Variants in STK32B observed in about 807,000 individuals in gnomAD.
STK32B encodes serine/threonine kinase 32B.
A neutral mutation model predicts 52.6 loss-of-function variants in STK32B; 43 were observed. The ratio of observed to expected loss-of-function variants is 0.82; its 90% CI spans 0.64 to 1.05. STK32B has a LOEUF of 1.05. STK32B is among the 50% of genes least tolerant of loss of function. The pLI, the probability that STK32B is intolerant of heterozygous loss-of-function variation, is 0.00. For missense variants in STK32B, 621 were observed against 534.6 expected (o/e 1.16, Z -1.59); for synonymous variants, 238 against 204.3 (o/e 1.17, Z -1.41).
intron 3 of STK32B, among the ~76,000 whole-genome samples, chr4:5,286,285 A>G (rs1728536252): frequency 6.6e-6 from 1 of 152,220 alleles, no homozygotes. Flanking sequence ...TCAATAACTA[A>G]CAAGTCATCT....
intron 1 of STK32B, among the ~76,000 whole-genome samples, chr4:5,054,965 CT>C (rs1265775689): frequency 1.3e-5 from 2 of 152,136 alleles, no homozygotes. Flanking sequence ...GGCAGAGTTG[CT>C]TTTTTTCCAA....
chr4:5,085,095 T>G (rs866264732), intron 1 of STK32B, among the ~76,000 whole-genome samples: 17 of 152,186 alleles, frequency 1.1e-4, no homozygotes, highest in African/African-American at 3.6e-4. Flanking sequence ...TGTGGTCAAA[T>G]TAAGTTAGGG....
chr4:5,193,472 C>T (rs1721393743), intron 3 of STK32B, among the ~76,000 whole-genome samples: 1 of 152,198 alleles, frequency 6.6e-6, no homozygotes, highest in East Asian at 1.9e-4. Context: ...TGACTCCAAG[C>T]TTGAGCATCT....
intron 11 of STK32B, among the ~76,000 whole-genome samples, chr4:5,486,857 A>C (rs1208431755): frequency 6.6e-6 from 1 of 152,232 alleles, no homozygotes; most frequent in African/African-American, 2.4e-5. Flanking sequence ...TAGAGGTTTC[A>C]TAAGAAGGAG....
chr4:5,182,060 G>A (rs1456180240), intron 3 of STK32B, among the ~76,000 whole-genome samples: 1 of 152,162 alleles, frequency 6.6e-6, no homozygotes, highest in African/African-American at 2.4e-5. Context: ...AATATTCATG[G>A]CATCTTCATA....
chr4:5,317,231 T>TAA (rs1731071356), intron 3 of STK32B, among the ~76,000 whole-genome samples: 1 of 61,562 alleles, frequency 1.6e-5, no homozygotes, highest in South Asian at 5.5e-4. Context: ...ATATTATATA[T>TAA]AACATATATA....
At chr4:5,239,086 A>G (rs928358861) in intron 3 of STK32B, among the ~76,000 whole-genome samples, 2 of 152,152 alleles carry the variant, frequency 1.3e-5, no homozygotes, top group Admixed American at 6.5e-5. Flanking sequence ...TCCATGCTGC[A>G]GGAGCAGTGC....
Position 5,160,731 on chromosome 4 carries a change from C to T in STK32B, c.109-7568C>T, listed in dbSNP as rs141550336. ...ATGCAGTGAACGTAAGAGAAAAATC[C>T]CTGTTGTCATGGGGTTCACAACTCA... On this transcript the variant is annotated intron_variant, in intron 2 of 11. Transcript: ENST00000282908. 6.1e-4 allele frequency among the ~76,000 whole-genome samples: 93 copies of T among 152,284 alleles called. 1 individual carries two copies. In the Middle Eastern group the frequency reaches 0.017, roughly 28 times the overall value.
chr4:5,098,710 C>T (rs1713535526), intron 1 of STK32B, among the ~76,000 whole-genome samples: 1 of 152,176 alleles, frequency 6.6e-6, no homozygotes, highest in South Asian at 2.1e-4. Context: ...AAACTCTGCC[C>T]TCTTCCTGGT....
intron 11 of STK32B, among the ~76,000 whole-genome samples, chr4:5,474,406 A>T (rs1221692133): frequency 6.6e-6 from 1 of 152,218 alleles, no homozygotes. Context: ...GGCTGAACAG[A>T]TGTCAATGAT....
intron 3 of STK32B, among the ~76,000 whole-genome samples, chr4:5,248,721 A>G (rs1725649530): frequency 6.6e-6 from 1 of 152,190 alleles, no homozygotes; most frequent in African/African-American, 2.4e-5. Context: ...TGTGGCACAT[A>G]TACACCGTGG....
At chr4:5,456,733 A>C (rs1056551546) in intron 7 of STK32B, 74 bp from the exon 8 acceptor site, 44 of 1,292,288 alleles carry the variant, frequency 3.4e-5, no homozygotes, top group Non-Finnish European at 4.6e-5. Flanking sequence ...CCTCATAATC[A>C]TACAATCTTA....
chr4:5,329,083 A>G (rs1732058310), intron 3 of STK32B, among the ~76,000 whole-genome samples: 1 of 152,208 alleles, frequency 6.6e-6, no homozygotes, highest in South Asian at 2.1e-4. Context: ...TGAAACTGTG[A>G]CAGGAATATT....
chr4:5,247,208 T>C (rs925261314), intron 3 of STK32B, among the ~76,000 whole-genome samples: 4 of 152,208 alleles, frequency 2.6e-5, no homozygotes, highest in East Asian at 1.9e-4. Context: ...CCTTGAGCTG[T>C]GGTCGGCTCC....
chr4:5,244,774 G>A lies in STK32B; in HGVS notation c.260+76324G>A, dbSNP rs929477533. ...TGTGTCCCAGAGATTCTGGTATGTT[G>A]TGTCTTTGTTCTCACTGGTTTCAAA... On this transcript the variant is annotated intron_variant, in intron 3 of 11. Transcript: ENST00000282908. 3.9e-5 allele frequency among the ~76,000 whole-genome samples: 6 copies of A among 152,108 alleles called. No individual in the cohort carries two copies. The East Asian group carries it at 7.7e-4, about 20-fold the overall frequency.
At chr4:5,361,228 A>C (rs1290831808) in intron 4 of STK32B, among the ~76,000 whole-genome samples, 1 of 152,210 alleles carries the variant, frequency 6.6e-6, no homozygotes, top group African/African-American at 2.4e-5. Flanking sequence ...GTCAATGGAC[A>C]CTTGGCTTGC....
rs935031546 is a variant in STK32B at position 5,395,916 on chromosome 4, G to A, written c.435-2291G>A. Among the ~76,000 whole-genome samples the A allele has an allele frequency of 3.3e-4, 50 of 152,320 alleles. No homozygotes were observed. The highest frequency in any genetic ancestry group is 1.2e-3 in the African/African-American group (48 of 41,576). ...GGTGGCCACATCCGTGCCCCATTCT[G>A]TTCTCAGGATATGAGACAATGTGCG... On this transcript the variant is annotated intron_variant, in intron 4 of 11. Transcript: ENST00000282908. This position sits in a 1 kb window ranked among gnomAD's most constrained non-coding sequence, Gnocchi z 4.4.
chr4:5,127,426 C>T (rs1043728766), intron 1 of STK32B, among the ~76,000 whole-genome samples: 9 of 152,144 alleles, frequency 5.9e-5, no homozygotes, highest in South Asian at 2.1e-4. Flanking sequence ...GATTCTTCAT[C>T]GGTGGCACAG....
chr4:5,413,987 G>A (rs1277458440), intron 5 of STK32B, among the ~76,000 whole-genome samples: 2 of 152,138 alleles, frequency 1.3e-5, no homozygotes, highest in African/African-American at 2.4e-5. Context: ...CAAAATAAAA[G>A]TACTAACATG....
Sources: allele counts gnomAD v4.1 joint callset (sites outside exome capture counted in the v4.1 genomes callset), GRCh38; gene constraint gnomAD v4.1.1; non-coding constraint Gnocchi (gnomAD v3.1); transcripts MANE v1.5; gene names NCBI Gene and HGNC (gene_info 2026-07-23, HGNC 2026-07-21).